BMPR1B: variants seen among roughly 807,000 people sequenced by gnomAD.
BMPR1B encodes the protein bone morphogenetic protein receptor type-1B.
BMPR1B carries 12 observed loss-of-function variants against 59.1 expected under a neutral mutation model. The ratio of observed to expected loss-of-function variants is 0.20; its 90% CI spans 0.13 to 0.33. The LOEUF (loss-of-function observed/expected upper bound fraction) is 0.33. Ranked by LOEUF, BMPR1B falls within the 10% of genes least tolerant of loss-of-function variation. BMPR1B has a pLI of 1.00. For synonymous variants in BMPR1B, 237 were observed against 207.3 expected, an observed-to-expected ratio of 1.14 and a Z score of -1.23; for missense variants, 550 against 610.9, an observed-to-expected ratio of 0.90 and a Z score of 1.05.
rs1399492130 is a variant in BMPR1B, at chr4:95,096,728, TATATAGTTATATATA to T, written c.-17-7678_-17-7664del. 1.6e-3 allele frequency among the ~76,000 whole-genome samples: 29 copies of T among 17,878 alleles called. No homozygotes were observed. The South Asian group carries it at 0.019, about 12-fold the overall frequency. 11.7% of individuals were successfully genotyped at this position (17,878 alleles called of 152,430 possible). A position where few individuals can be genotyped will look rare whatever the true frequency, so the allele number is the denominator to read the frequency against. On this transcript the variant is annotated intron_variant, in intron 3 of 12. Transcript: ENST00000515059. Reference sequence around the variant, plus strand: ...AATTATATAGAGGCATATATAACTATATATAGTTATATATAACTATATATAGTTATATATAACTAT... The same window carrying T: ...AATTATATAGAGGCATATATAACTATACTATATATAGTTATATATAACTAT...
At chr4:94,822,896 T>A (rs1342539597) in intron 1 of BMPR1B, among the ~76,000 whole-genome samples, 1 of 152,198 alleles carries the variant, frequency 6.6e-6, no homozygotes, top group Admixed American at 6.5e-5. Context: ...CATTGGTGAC[T>A]TTTTTGTCAG....
At chr4:94,891,606 G>C (rs1175499594) in intron 2 of BMPR1B, among the ~76,000 whole-genome samples, 2 of 152,104 alleles carry the variant, frequency 1.3e-5, no homozygotes, top group Non-Finnish European at 2.9e-5. Context: ...TCCTGGCACA[G>C]CAAAAAGGAA....
chr4:94,897,307 G>A (rs1311712608), intron 2 of BMPR1B, among the ~76,000 whole-genome samples: 1 of 152,050 alleles, frequency 6.6e-6, no homozygotes, highest in African/African-American at 2.4e-5. Context: ...GTAAATAAGC[G>A]ATAGTGTTAT....
At chr4:95,078,605 T>C (rs761097494) in intron 3 of BMPR1B, among the ~76,000 whole-genome samples, 3 of 152,240 alleles carry the variant, frequency 2.0e-5, no homozygotes, top group Non-Finnish European at 4.4e-5. Context: ...GTCTAGCCCA[T>C]GCACTTTCTT....
intron 1 of BMPR1B, among the ~76,000 whole-genome samples, chr4:94,865,207 CTG>C (rs1289473544): frequency 6.6e-6 from 1 of 152,016 alleles, no homozygotes; most frequent in African/African-American, 2.4e-5. Context: ...TGGAGTTACA[CTG>C]TGTTGGCCAG....
At chr4:95,015,945 C>G (rs1345069153) in intron 3 of BMPR1B, among the ~76,000 whole-genome samples, 1 of 152,228 alleles carries the variant, frequency 6.6e-6, no homozygotes, top group Non-Finnish European at 1.5e-5. Flanking sequence ...CCCGCCTTGG[C>G]TTCCCAAAGT....
intron 3 of BMPR1B, among the ~76,000 whole-genome samples, chr4:95,093,209 T>C (rs1335167648): frequency 6.6e-6 from 1 of 152,136 alleles, no homozygotes; most frequent in Non-Finnish European, 1.5e-5. Context: ...TTTGTTCTTA[T>C]ATTGTTGCTT....
At chr4:95,032,735 T>C (rs1332259772) in intron 3 of BMPR1B, among the ~76,000 whole-genome samples, 1 of 152,316 alleles carries the variant, frequency 6.6e-6, no homozygotes, top group Non-Finnish European at 1.5e-5. Context: ...TATTCTGTTG[T>C]AGTGTAGACC....
intron 1 of BMPR1B, among the ~76,000 whole-genome samples, chr4:94,765,325 G>A (rs530441735): frequency 4.6e-5 from 7 of 152,062 alleles, no homozygotes; most frequent in African/African-American, 1.2e-4. Context: ...TGTGACTTTC[G>A]TTTTGAATTT....
intron 1 of BMPR1B, among the ~76,000 whole-genome samples, chr4:94,841,240 G>T (rs1331387471): frequency 6.7e-6 from 1 of 148,466 alleles, no homozygotes; most frequent in African/African-American, 2.5e-5. Flanking sequence ...TGCCCCCAGA[G>T]GTGGAGCCTA....
At chr4:94,834,912 T>C (rs944698797) in intron 1 of BMPR1B, among the ~76,000 whole-genome samples, 3 of 151,582 alleles carry the variant, frequency 2.0e-5, no homozygotes, top group African/African-American at 7.2e-5. Context: ...TCATTAAAAC[T>C]TCAGAGATAT....
intron 1 of BMPR1B, among the ~76,000 whole-genome samples, chr4:94,865,850 G>A (rs931165508): frequency 3.3e-5 from 5 of 151,198 alleles, no homozygotes; most frequent in East Asian, 1.9e-4. Flanking sequence ...TTTTTTTTTC[G>A]AGATGATGGT....
chr4:94,832,517 C>A (rs1479362935), intron 1 of BMPR1B, among the ~76,000 whole-genome samples: 1 of 152,136 alleles, frequency 6.6e-6, no homozygotes, highest in Non-Finnish European at 1.5e-5. Context: ...CATGGTCGCT[C>A]ATGCCTGTAA....
chr4:94,907,611 A>C (rs1728096498), intron 2 of BMPR1B, among the ~76,000 whole-genome samples: 1 of 152,002 alleles, frequency 6.6e-6, no homozygotes, highest in African/African-American at 2.4e-5. Context: ...CCCTTACCAG[A>C]ACCTCTAGGT....
At chr4:94,958,069 C>T (rs1166489696) in intron 2 of BMPR1B, among the ~76,000 whole-genome samples, 1 of 152,096 alleles carries the variant, frequency 6.6e-6, no homozygotes, top group Non-Finnish European at 1.5e-5. Context: ...ACTGAGAAAG[C>T]AGAATAAGCA....
At chr4:94,824,366 G>A (rs901665136) in intron 1 of BMPR1B, among the ~76,000 whole-genome samples, 3 of 152,086 alleles carry the variant, frequency 2.0e-5, no homozygotes, top group African/African-American at 7.2e-5. Context: ...TTATTATATG[G>A]TTCTTGTCTC....
intron 1 of BMPR1B, among the ~76,000 whole-genome samples, chr4:94,773,262 T>G (rs571029795): frequency 6.6e-6 from 1 of 152,214 alleles, no homozygotes; most frequent in African/African-American, 2.4e-5. Flanking sequence ...TCTTGGTTAA[T>G]AATAGTAGCA....
chr4:94,784,671 A>G (rs886470888), intron 1 of BMPR1B, among the ~76,000 whole-genome samples: 3 of 152,124 alleles, frequency 2.0e-5, no homozygotes, highest in African/African-American at 7.2e-5. Context: ...ATGTTAACAT[A>G]CATTGGCATA....
chr4:94,801,449 G>A (rs1303836198), intron 1 of BMPR1B, among the ~76,000 whole-genome samples: 1 of 152,120 alleles, frequency 6.6e-6, no homozygotes, highest in African/African-American at 2.4e-5. Context: ...CACCGTCACT[G>A]CACAATTAAG....
Sources: gnomAD v4.1 joint callset for allele counts (sites outside exome capture counted in the v4.1 genomes callset) on GRCh38, gnomAD v4.1.1 for gene constraint, MANE v1.5 for transcripts, NCBI Gene and HGNC (gene_info 2026-07-23, HGNC 2026-07-21) for gene names.